Variants in FLRT1 observed in about 807,000 individuals in gnomAD.
FLRT1 encodes the protein fibronectin leucine rich transmembrane protein 1, also known as leucine-rich repeat transmembrane protein FLRT1.
A neutral mutation model predicts 30.9 loss-of-function variants in FLRT1; 14 were observed. The observed-to-expected ratio is 0.45, with a 90% CI of 0.30 to 0.71. FLRT1 has a LOEUF of 0.71. Among genes scored for constraint, FLRT1 ranks in the 30% least tolerant of loss-of-function variants. The pLI is 0.08. For synonymous variants in FLRT1, 368 were observed against 430.4 expected, an observed-to-expected ratio of 0.85 and a Z score of 1.80; for missense variants, 737 against 949.2, an observed-to-expected ratio of 0.78 and a Z score of 2.94.
chr11:64,092,773 G>T (rs910511207), intron 1 of FLRT1, among the ~76,000 whole-genome samples: 1 of 152,204 alleles, frequency 6.6e-6, no homozygotes, highest in East Asian at 1.9e-4. Flanking sequence ...CTGAGTAAAC[G>T]GGTGCATGAA....
At chr11:64,041,199 TAAAAAAA>T (rs71045724) in intron 1 of FLRT1, among the ~76,000 whole-genome samples, 8 of 21,598 alleles carry the variant, frequency 3.7e-4, no homozygotes, top group African/African-American at 1.1e-3. Context: ...TAGCAAACTG[TAAAAAAA>T]AAAAAAAAAA....
intron 1 of FLRT1, among the ~76,000 whole-genome samples, chr11:64,102,444 C>G (rs1001806854): frequency 6.6e-6 from 1 of 152,184 alleles, no homozygotes; most frequent in African/African-American, 2.4e-5. Context: ...CCCTGATGGT[C>G]CTGCTTCCCA....
intron 1 of FLRT1, among the ~76,000 whole-genome samples, chr11:64,049,737 C>G (rs1943655161): frequency 6.6e-6 from 1 of 152,242 alleles, no homozygotes. Flanking sequence ...GCCTTCTCAT[C>G]CTGAGGGGGA....
chr11:64,046,779 G>A (rs749551058), intron 1 of FLRT1, among the ~76,000 whole-genome samples: 5 of 152,152 alleles, frequency 3.3e-5, no homozygotes, highest in Non-Finnish European at 5.9e-5. Context: ...GATTACAGGC[G>A]TGAGCCGCTG....
chr11:64,117,344 C>T lies in FLRT1; in HGVS notation c.1077C>T (p.Gly359=), dbSNP rs1213886785. 2 of 1,613,922 alleles carry T rather than the reference C, an allele frequency of 1.2e-6. No homozygotes were observed. ...ACGTGCGGGGCCTCATGTGCCAGGG[C>T]CCTGAGAAGGTCCGGGGCATGGCCA... ...VVNVRGLMCQ[G]PEKVRGMAIK... Residue 359 remains glycine (G), a synonymous_variant, in exon 3 of 3, where the codon GGC becomes GGT. Coordinates refer to ENST00000682287, the MANE Select transcript of FLRT1 (RefSeq NM_013280.5).
intron 2 of FLRT1, among the ~76,000 whole-genome samples, chr11:64,104,384 G>A (rs756582726): frequency 6.6e-5 from 10 of 152,056 alleles, no homozygotes; most frequent in African/African-American, 9.7e-5. Context: ...TCTGCTTGCC[G>A]GCATAAGCAT....
At chr11:64,063,401 G>C (rs974762795) in intron 1 of FLRT1, among the ~76,000 whole-genome samples, 1 of 152,152 alleles carries the variant, frequency 6.6e-6, no homozygotes, top group African/African-American at 2.4e-5. Context: ...AGATGTCAGG[G>C]AAGCCCAAGG....
Position 64,116,594 on chromosome 11 carries a change from G to A in FLRT1, c.327G>A (p.Gln109=). ...PQDLKTKVNV[Q]VIYLYENDLD... is the part of the protein sequence containing the mutation. ...ACCTCAAGACCAAGGTCAACGTGCA[G>A]GTCATCTACCTATACGAGAATGACC... The change falls in exon 3 of 3, where the codon CAG becomes CAA. Residue 109 remains glutamine (Q), a synonymous_variant. Transcript: ENST00000682287. 6.2e-7 allele frequency: 1 copy of A among 1,614,184 alleles called. No individual in the cohort carries two copies. The highest frequency in any genetic ancestry group is 8.5e-7 in the Non-Finnish European group (1 of 1,180,044).
intron 2 of FLRT1, among the ~76,000 whole-genome samples, chr11:64,113,541 C>CATGG (rs1203382448): frequency 5.6e-5 from 7 of 125,868 alleles, no homozygotes; most frequent in South Asian, 2.6e-4. Context: ...CAGGTGGATG[C>CATGG]ATGGATGGAT....
At position 64,117,084 on chromosome 11, in the gene FLRT1, C is replaced by T; in HGVS notation, c.817C>T (p.Gln273Ter). The part of the protein sequence containing the change: ...PPLNLPSAHL[Q>*]KLYLQDNAIS... ...CCTCAACCTGCCCAGCGCCCACCTG[C>T]AGAAGCTCTACCTGCAGGACAATGC... The change falls in exon 3 of 3, where the codon CAG (glutamine) becomes TAG (stop). Residue 273 changes from glutamine (Q) to a stop codon, truncating the protein, a stop_gained. Coordinates refer to ENST00000682287, the MANE Select transcript of FLRT1 (RefSeq NM_013280.5). LOFTEE classifies it high-confidence loss of function. 1 of 1,603,474 alleles carries T rather than the reference C, an allele frequency of 6.2e-7. No individual in the cohort carries two copies. Among genetic ancestry groups the T allele is most frequent in the Non-Finnish European group, 8.5e-7 (1 of 1,175,190 alleles).
At chr11:64,055,309 C>A (rs531485373) in intron 1 of FLRT1, among the ~76,000 whole-genome samples, 1 of 152,242 alleles carries the variant, frequency 6.6e-6, no homozygotes, top group Admixed American at 6.5e-5. Flanking sequence ...CAAATGCCAT[C>A]ATCACACTCA....
intron 1 of FLRT1, among the ~76,000 whole-genome samples, chr11:64,054,476 C>T (rs1943748086): frequency 6.6e-6 from 1 of 152,098 alleles, no homozygotes; most frequent in Non-Finnish European, 1.5e-5. Context: ...GTGCTGGGTT[C>T]GCTGTGCAGT....
rs973765341 is a variant in FLRT1, at chr11:64,118,507, G to A, written c.*215G>A. ...GAATAGAAGGCAGGAGGGGGAATTC[G>A]ACATTGTTGAAGACATAATTTATAC... On this transcript the variant is annotated 3_prime_UTR_variant, in exon 3 of 3. Coordinates refer to ENST00000682287, the MANE Select transcript of FLRT1 (RefSeq NM_013280.5). 14 of 490,998 alleles carry A rather than the reference G, an allele frequency of 2.9e-5. No individual in the cohort carries two copies. The highest frequency in any genetic ancestry group is 5.5e-4 in the Middle Eastern group (1 of 1,802). The allele number at this position is 490,998 out of a possible 1,614,324, so 30.4% of individuals were successfully genotyped here.
Position 64,116,353 on chromosome 11 carries a change from T to G in FLRT1, c.86T>G (p.Met29Arg). ...TATVVMTTAT[M>R]DLRDWLFLCY... ...ACCGTTGTGATGACCACGGCCACCA[T>G]GGACCTGCGGGACTGGCTGTTCCTC... The change falls in exon 3 of 3, where the codon ATG (methionine) becomes AGG (arginine). Residue 29 changes from methionine (M) to arginine (R), a missense_variant. Met to Arg is a moderately conservative substitution (Grantham distance 91). Coordinates refer to ENST00000682287, the MANE Select transcript of FLRT1 (RefSeq NM_013280.5). 1 of 1,613,020 alleles carries G rather than the reference T, an allele frequency of 6.2e-7. No homozygotes were observed. The highest frequency in any genetic ancestry group is 1.1e-5 in the South Asian group (1 of 90,922).
chr11:64,107,273 T>G (rs1045330147), intron 2 of FLRT1, among the ~76,000 whole-genome samples: 1 of 152,186 alleles, frequency 6.6e-6, no homozygotes, highest in Non-Finnish European at 1.5e-5. Context: ...AAATATCAGG[T>G]GTAGGAGCAT....
chr11:64,063,026 G>T (rs1230759491), intron 1 of FLRT1, among the ~76,000 whole-genome samples: 3 of 152,242 alleles, frequency 2.0e-5, no homozygotes, highest in East Asian at 1.9e-4. Flanking sequence ...GAGGGATTCA[G>T]TGAGATATAA....
At chr11:64,060,696 TC>T (rs1943883220) in intron 1 of FLRT1, 1 of 152,224 alleles carries the variant, frequency 6.6e-6, no homozygotes, top group African/African-American at 2.4e-5. Flanking sequence ...GTTCATTCAT[TC>T]ATTCATTCAT....
At chr11:64,087,376 A>G (rs2134510714) in intron 1 of FLRT1, among the ~76,000 whole-genome samples, 1 of 152,172 alleles carries the variant, frequency 6.6e-6, no homozygotes, top group Non-Finnish European at 1.5e-5. Flanking sequence ...CCACGGCTGT[A>G]GCCCTGACCA....
intron 1 of FLRT1, among the ~76,000 whole-genome samples, chr11:64,057,616 C>T (rs1165071956): frequency 6.6e-6 from 1 of 152,202 alleles, no homozygotes. Flanking sequence ...GACCTACACC[C>T]AAGGGCCTGG....
Sources: gnomAD v4.1 joint callset for allele counts (sites outside exome capture counted in the v4.1 genomes callset) on GRCh38, gnomAD v4.1.1 for gene constraint, MANE v1.5 for transcripts, NCBI Gene and HGNC (gene_info 2026-07-23, HGNC 2026-07-21) for gene names.